Variants in CCDC15 observed in about 807,000 individuals in gnomAD.
CCDC15 encodes coiled-coil domain-containing protein 15.
CCDC15 carries 105 observed loss-of-function variants against 114.5 expected under a neutral mutation model. The ratio of observed to expected loss-of-function variants is 0.92; its 90% CI spans 0.78 to 1.08. CCDC15 has a LOEUF of 1.08. Among genes scored for constraint, CCDC15 ranks in the 50% least tolerant of loss-of-function variants. The pLI, the probability that CCDC15 is intolerant of heterozygous loss-of-function variation, is 0.00. For missense variants in CCDC15, 1,105 were observed against 1,093.6 expected (o/e 1.01, Z -0.15); for synonymous variants, 334 against 377.8 (o/e 0.88, Z 1.34).
intron 13 of CCDC15, among the ~76,000 whole-genome samples, chr11:125,014,255 A>G (rs1948614601): frequency 6.6e-6 from 1 of 152,204 alleles, no homozygotes; most frequent in African/African-American, 2.4e-5. Context: ...CCAGATTAAG[A>G]TGATGAACTG....
intron 4 of CCDC15, among the ~76,000 whole-genome samples, chr11:124,965,764 T>C (rs1947766504): frequency 6.6e-6 from 1 of 152,250 alleles, no homozygotes; most frequent in African/African-American, 2.4e-5. Flanking sequence ...TCCTGCTTTT[T>C]CTTGTGGGCA....
At chr11:124,977,970 C>T (rs550400572) in intron 6 of CCDC15, among the ~76,000 whole-genome samples, 2 of 152,100 alleles carry the variant, frequency 1.3e-5, no homozygotes, top group East Asian at 1.9e-4. Context: ...CGTGACTTTA[C>T]CTAATAGGTA....
In CCDC15 at chr11:125,031,662, T is replaced by C. The variant is rs549596503; in HGVS notation, c.2412-6769T>C. Reference sequence around the variant, plus strand: ...CCTTGCTCCAAAATCCTAGAGGCCTTTGTTGTGATTCACCTATGAGGGCCT... The same window carrying C: ...CCTTGCTCCAAAATCCTAGAGGCCTCTGTTGTGATTCACCTATGAGGGCCT... On this transcript the variant is annotated intron_variant, in intron 13 of 15. Transcript: ENST00000344762. Among the ~76,000 whole-genome samples the C allele has an allele frequency of 1.8e-4, 28 of 152,296 alleles. No individual in the cohort carries two copies. In the South Asian group the frequency reaches 5.8e-3, roughly 32 times the overall value.
chr11:124,986,772 G>T lies in CCDC15; in HGVS notation c.784G>T (p.Glu262Ter). 6.5e-7 allele frequency: 1 copy of T among 1,549,198 alleles called. No homozygotes were observed. The highest frequency in any genetic ancestry group is 1.2e-5 in the South Asian group (1 of 83,304). The change falls in exon 7 of 16, where the codon GAA becomes TAA. Residue 262 changes from glutamate (E) to a stop codon, truncating the protein, a stop_gained. Coordinates refer to ENST00000344762, the MANE Select transcript of CCDC15 (RefSeq NM_025004.3). LOFTEE classifies it high-confidence loss of function. ...TGACTATGAGGAACCTGACTATGAG[G>T]AATCTTCATCTCTTGTAACTGATGA... ...ELDYEEPDYE[E>*]SSSLVTDEKG...
chr11:125,016,405 A>C, intron 13 of CCDC15, among the ~76,000 whole-genome samples: 1 of 152,200 alleles, frequency 6.6e-6, no homozygotes, highest in East Asian at 1.9e-4. Context: ...GCTTGGAAAA[A>C]AAAAATCTTT....
At position 124,984,695 on chromosome 11, in the gene CCDC15, G is replaced by T. The variant is rs141997544; in HGVS notation, c.754-2047G>T. On this transcript the variant is annotated intron_variant, in intron 6 of 15. Transcript: ENST00000344762. ...GCTGCCAGGATTCCAGAGGTCTGTG[G>T]AGTGAGCAGGTCTCTTCTCACTTGT... is the stretch of plus-strand genomic sequence containing the variant. Among the ~76,000 whole-genome samples the T allele has an allele frequency of 2.0e-4, 30 of 152,264 alleles. No individual in the cohort carries two copies. In the East Asian group the frequency reaches 3.5e-3, roughly 18 times the overall value.
intron 6 of CCDC15, among the ~76,000 whole-genome samples, chr11:124,981,095 T>G (rs866614724): frequency 6.6e-6 from 1 of 152,252 alleles, no homozygotes; most frequent in African/African-American, 2.4e-5. Context: ...TAGCACTGAT[T>G]TCTATTTTTA....
chr11:125,032,945 G>A (rs567644926), intron 13 of CCDC15, among the ~76,000 whole-genome samples: 16 of 152,310 alleles, frequency 1.1e-4, no homozygotes, highest in South Asian at 1.0e-3. Context: ...TCCCCGAAAC[G>A]TCTGATTGTT....
chr11:124,987,484 C>T lies in CCDC15; in HGVS notation c.1258C>T (p.Leu420=), dbSNP rs781728034. ...TTTTCTACCCACAAATCAGGCTCTT[C>T]TAACGAAAAACCAGGATGTTTTACT... ...QDFLPTNQAL[L]TKNQDVLLKD... Residue 420 remains leucine, a synonymous_variant, in exon 8 of 16, where the codon CTA becomes TTA. Coordinates refer to ENST00000344762, the MANE Select transcript of CCDC15 (RefSeq NM_025004.3). 3 of 1,613,970 alleles carry T rather than the reference C, an allele frequency of 1.9e-6. No homozygotes were observed. Among genetic ancestry groups the T allele is most frequent in the Non-Finnish European group, 2.5e-6 (3 of 1,179,870 alleles).
chr11:124,968,139 G>T (rs558033416), intron 4 of CCDC15, among the ~76,000 whole-genome samples: 1 of 152,322 alleles, frequency 6.6e-6, no homozygotes, highest in South Asian at 2.1e-4. Context: ...CAGTATGTCC[G>T]TTCTCAGAGC....
intron 13 of CCDC15, among the ~76,000 whole-genome samples, chr11:125,024,157 CA>C (rs1310640491): frequency 6.6e-6 from 1 of 151,770 alleles, no homozygotes; most frequent in Non-Finnish European, 1.5e-5. Flanking sequence ...CATGTATTCC[CA>C]GCTTTCTCTT....
chr11:124,989,497 G>C (rs574824206), intron 8 of CCDC15, among the ~76,000 whole-genome samples: 2 of 152,350 alleles, frequency 1.3e-5, no homozygotes, highest in South Asian at 4.1e-4. Context: ...ACTAACAAGA[G>C]AGTCAGCCTG....
intron 15 of CCDC15, 36 bp from the exon 16 acceptor site, chr11:125,040,554 G>C: frequency 1.3e-6 from 2 of 1,560,264 alleles, no homozygotes; most frequent in Non-Finnish European, 8.7e-7. Flanking sequence ...TTTAGAATTT[G>C]ACTTTATTCA....
At chr11:124,981,721 G>T (rs1948074970) in intron 6 of CCDC15, among the ~76,000 whole-genome samples, 1 of 152,186 alleles carries the variant, frequency 6.6e-6, no homozygotes, top group Admixed American at 6.5e-5. Context: ...CTGGATTCAA[G>T]TGATGCTCCC....
intron 8 of CCDC15, among the ~76,000 whole-genome samples, chr11:124,991,059 C>T (rs776031146): frequency 6.6e-5 from 10 of 152,274 alleles, no homozygotes; most frequent in Middle Eastern, 3.4e-3. Flanking sequence ...TCATTCTTAA[C>T]GGAGCAATTG....
intron 13 of CCDC15, among the ~76,000 whole-genome samples, chr11:125,022,089 C>G (rs1435084193): frequency 1.3e-5 from 2 of 151,898 alleles, no homozygotes; most frequent in Non-Finnish European, 2.9e-5. Context: ...TTAGGCTCGT[C>G]TTTTAACTTT....
intron 5 of CCDC15, among the ~76,000 whole-genome samples, chr11:124,976,197 T>G (rs1410436600): frequency 6.7e-6 from 1 of 149,674 alleles, no homozygotes; most frequent in Admixed American, 6.7e-5. Context: ...CTCTTATATT[T>G]TCCTGGAATA....
At chr11:124,975,596 C>T (rs1411848361) in intron 5 of CCDC15, among the ~76,000 whole-genome samples, 1 of 152,114 alleles carries the variant, frequency 6.6e-6, no homozygotes. Context: ...CCTCAAGGAG[C>T]TTCTGTGCTA....
At position 125,039,024 on chromosome 11, in the gene CCDC15, C is replaced by T. The variant is rs745384641; in HGVS notation, c.2689C>T (p.Pro897Ser). The change falls in exon 15 of 16, where the codon CCT becomes TCT. Residue 897 changes from proline to serine, a missense_variant. Transcript: ENST00000344762. ...TGGTCCTGATTTTTGGGATGCTCAT[C>T]CTGATACCTGTGCCAACAACTGTAT... ...CCGPDFWDAH[P>S]DTCANNCIFY... The T allele has an allele frequency of 6.2e-7, 1 of 1,609,320 alleles. No individual in the cohort carries two copies. The highest frequency in any genetic ancestry group is 1.1e-5 in the South Asian group (1 of 90,546).
Sources: gnomAD v4.1 joint callset for allele counts (sites outside exome capture counted in the v4.1 genomes callset) on GRCh38, gnomAD v4.1.1 for gene constraint, MANE v1.5 for transcripts, NCBI Gene and HGNC (gene_info 2026-07-23, HGNC 2026-07-21) for gene names.